The following MRRF variants were observed in gnomAD, a reference collection of about 807,000 sequenced individuals.
The protein encoded by MRRF is mitochondrial ribosome recycling factor.
Under a neutral mutation model 25.1 loss-of-function variants are expected in MRRF, and 18 were observed. That is an observed-to-expected ratio of 0.72 (90% confidence interval 0.50 to 1.06). MRRF has a LOEUF of 1.06. Among genes scored for constraint, MRRF ranks in the 50% least tolerant of loss-of-function variants. MRRF has a pLI of 0.00. For synonymous variants in MRRF, 113 were observed against 112.1 expected (o/e 1.01, Z -0.05); for missense variants, 323 against 319.3 (o/e 1.01, Z -0.09).
In MRRF at chr9:122,329,011, TC is replaced by T. The variant is rs1836216017; in HGVS notation, c.*6396del. 6.6e-6 allele frequency: 1 copy of T among 152,218 alleles called. No homozygotes were observed. Among genetic ancestry groups the T allele is most frequent in the African/African-American group, 2.4e-5 (1 of 41,458 alleles). 9.4% of individuals were successfully genotyped at this position (152,218 alleles called of 1,614,324 possible). On this transcript the variant is annotated 3_prime_UTR_variant, in exon 7 of 7. Coordinates refer to ENST00000344641, the MANE Select transcript of MRRF (RefSeq NM_138777.5). ...TTCTTCTGGTCTGTGTTTCAGTCCA[TC>T]CTACGCTGTTAAGTTAGAACAACCT...
At position 122,327,398 on chromosome 9, in the gene MRRF, A is replaced by G. The variant is rs1475376606; in HGVS notation, c.*4781A>G. ...TTGCGGTTAGACAAAGAGTGATCAT[A>G]AAAGCTTGTATCCTCAAAAGCCACT... is the stretch of plus-strand genomic sequence containing the variant. On this transcript the variant is annotated 3_prime_UTR_variant, in exon 7 of 7. Transcript: ENST00000344641. 6.6e-6 allele frequency: 1 copy of G among 152,212 alleles called. No homozygotes were observed. Among genetic ancestry groups the G allele is most frequent in the Non-Finnish European group, 1.5e-5 (1 of 68,044 alleles). 9.4% of individuals were successfully genotyped at this position (152,212 alleles called of 1,614,324 possible).
chr9:122,290,303 A>G (rs1022888163), intron 4 of MRRF, among the ~76,000 whole-genome samples: 9 of 152,114 alleles, frequency 5.9e-5, no homozygotes, highest in Non-Finnish European at 1.3e-4. Flanking sequence ...CTATTCTACA[A>G]GTTCCTCTTC....
intron 3 of MRRF, among the ~76,000 whole-genome samples, chr9:122,284,181 G>A (rs1467121138): frequency 6.6e-6 from 1 of 152,114 alleles, no homozygotes; most frequent in African/African-American, 2.4e-5. Flanking sequence ...CCAGGGTGGG[G>A]CCCAGGAATC....
rs773877186 is a variant in MRRF, at chr9:122,291,731, T to C, written c.460-18T>C. Reference sequence around the variant, plus strand: ...TAATTATTTACTAATTCTGTTTACCTTTTGATCTGGTTTTCAGTGTACAGC... The same window carrying C: ...TAATTATTTACTAATTCTGTTTACCCTTTGATCTGGTTTTCAGTGTACAGC... On this transcript the variant is annotated intron_variant, in intron 4 of 6. Transcript: ENST00000344641. The C allele has an allele frequency of 1.9e-6, 3 of 1,574,084 alleles. No homozygotes were observed. Among genetic ancestry groups the C allele is most frequent in the Non-Finnish European group, 2.6e-6 (3 of 1,143,500 alleles).
intron 1 of MRRF, among the ~76,000 whole-genome samples, chr9:122,270,397 A>T (rs1014475446): frequency 6.6e-6 from 1 of 152,236 alleles, no homozygotes; most frequent in Non-Finnish European, 1.5e-5. Context: ...ACCAAATAAA[A>T]TTTTAATTAA....
intron 6 of MRRF, among the ~76,000 whole-genome samples, chr9:122,319,283 TG>T (rs1347894902): frequency 6.6e-6 from 1 of 151,860 alleles, no homozygotes; most frequent in Non-Finnish European, 1.5e-5. Flanking sequence ...CCCCAGTAGC[TG>T]GGACTACAGG....
At chr9:122,292,541 A>G (rs1327951138) in intron 5 of MRRF, among the ~76,000 whole-genome samples, 2 of 152,214 alleles carry the variant, frequency 1.3e-5, no homozygotes, top group African/African-American at 2.4e-5. Flanking sequence ...TTTTTGAGAA[A>G]GAAAAAAGCC....
chr9:122,319,100 G>A (rs1308926119), intron 6 of MRRF, among the ~76,000 whole-genome samples: 1 of 151,842 alleles, frequency 6.6e-6, no homozygotes, highest in East Asian at 1.9e-4. Flanking sequence ...CCATTAAGGT[G>A]GGTGAGTTCT....
At chr9:122,289,925 T>G (rs1833650683) in intron 4 of MRRF, among the ~76,000 whole-genome samples, 1 of 151,668 alleles carries the variant, frequency 6.6e-6, no homozygotes, top group Non-Finnish European at 1.5e-5. Flanking sequence ...CTCTTCTTTC[T>G]TTTTTTCCTC....
intron 5 of MRRF, 55 bp downstream of exon 5, chr9:122,291,895 A>G (rs1833798531): frequency 7.9e-7 from 1 of 1,264,658 alleles, no homozygotes; most frequent in Admixed American, 1.7e-5. Flanking sequence ...TGTCCTTGGA[A>G]GGAAACCAAC....
At chr9:122,316,654 A>AT (rs924763857) in intron 6 of MRRF, among the ~76,000 whole-genome samples, 1 of 152,116 alleles carries the variant, frequency 6.6e-6, no homozygotes, top group African/African-American at 2.4e-5. Flanking sequence ...GATATAAAAC[A>AT]AGGTTATGGC....
chr9:122,287,702 T>C (rs542552960), intron 4 of MRRF, among the ~76,000 whole-genome samples: 1 of 152,348 alleles, frequency 6.6e-6, no homozygotes, highest in East Asian at 1.9e-4. Flanking sequence ...ATCTTCATTT[T>C]TCAACTCAGA....
chr9:122,285,629 C>T, intron 4 of MRRF: 1 of 588,262 alleles, frequency 1.7e-6, no homozygotes, highest in South Asian at 1.9e-5. Flanking sequence ...TGCCCAGCTC[C>T]TGCTGATCAT....
At position 122,265,636 on chromosome 9, in the gene MRRF, T is replaced by C. The variant is rs972282618; in HGVS notation, c.-29+698T>C. ...AGTTGGAAAGAATGAAAACCTGATCTGACCCCTTCATTTTATGGTTGAAAC... is the reference window on the plus strand; with the variant it reads ...AGTTGGAAAGAATGAAAACCTGATCCGACCCCTTCATTTTATGGTTGAAAC... On this transcript the variant is annotated intron_variant, in intron 1 of 6. Coordinates refer to ENST00000344641, the MANE Select transcript of MRRF (RefSeq NM_138777.5). 10 of 570,674 alleles carry C rather than the reference T, an allele frequency of 1.8e-5. No individual in the cohort carries two copies. The Admixed American group carries it at 2.2e-4, about 12-fold the overall frequency. 35.4% of individuals were successfully genotyped at this position (570,674 alleles called of 1,614,324 possible).
At chr9:122,295,666 G>C (rs895453657) in intron 5 of MRRF, among the ~76,000 whole-genome samples, 8 of 152,016 alleles carry the variant, frequency 5.3e-5, no homozygotes, top group African/African-American at 1.7e-4. Flanking sequence ...GGCTGGTCTC[G>C]AACTCTTGAC....
chr9:122,265,642 C>T (rs1035852318), intron 1 of MRRF: 14 of 656,858 alleles, frequency 2.1e-5, no homozygotes, highest in Non-Finnish European at 3.4e-5. Flanking sequence ...GATCTGACCC[C>T]TTCATTTTAT....
intron 1 of MRRF, among the ~76,000 whole-genome samples, chr9:122,268,349 C>T (rs1832247814): frequency 6.6e-6 from 1 of 152,182 alleles, no homozygotes; most frequent in Non-Finnish European, 1.5e-5. Context: ...TGACCTGCAA[C>T]AGGAATACCA....
chr9:122,305,979 G>A (rs1834817175), intron 5 of MRRF, among the ~76,000 whole-genome samples: 1 of 152,138 alleles, frequency 6.6e-6, no homozygotes, highest in Non-Finnish European at 1.5e-5. Context: ...CAACTTTTGA[G>A]ATCAGTATGT....
rs1237346893 is a variant in MRRF, at chr9:122,325,767, A to T, written c.*3150A>T. 1 of 148,156 alleles carries T rather than the reference A, an allele frequency of 6.7e-6. No individual in the cohort carries two copies. The highest frequency in any genetic ancestry group is 2.5e-5 in the African/African-American group (1 of 39,676). The allele number at this position is 148,156 out of a possible 1,614,324, so 9.2% of individuals were successfully genotyped here. ...CCTACTCCTTTAAAATTAGGTATAT[A>T]TCTTTCCAGACCTCCTTTCTCTGTG... On this transcript the variant is annotated 3_prime_UTR_variant, in exon 7 of 7. Coordinates refer to ENST00000344641, the MANE Select transcript of MRRF (RefSeq NM_138777.5).
Sources: gnomAD v4.1 joint callset for allele counts (sites outside exome capture counted in the v4.1 genomes callset) on GRCh38, gnomAD v4.1.1 for gene constraint, MANE v1.5 for transcripts, NCBI Gene and HGNC (gene_info 2026-07-23, HGNC 2026-07-21) for gene names.